KAZN: variants seen among roughly 807,000 people sequenced by gnomAD.
KAZN encodes the protein kazrin.
Under a neutral mutation model 87.4 loss-of-function variants are expected in KAZN, and 40 were observed. The ratio of observed to expected loss-of-function variants is 0.46; its 90% CI spans 0.36 to 0.60. KAZN has a LOEUF of 0.60. KAZN is among the 20% of genes least tolerant of loss of function. KAZN has a pLI of 0.00. For missense variants in KAZN, 898 were observed against 1,073.9 expected, an observed-to-expected ratio of 0.84 and a Z score of 2.29; for synonymous variants, 466 against 458.3, an observed-to-expected ratio of 1.02 and a Z score of -0.22.
chr1:14,235,576 T>C (rs1275023067), intron 2 of KAZN, among the ~76,000 whole-genome samples: 1 of 152,174 alleles, frequency 6.6e-6, no homozygotes, highest in Non-Finnish European at 1.5e-5. Context: ...AAACGTCTGA[T>C]TTGTCACTTT....
rs1018431326 is a variant in KAZN at position 14,458,060 on chromosome 1, G to A, written c.250-140923G>A. Among the ~76,000 whole-genome samples the A allele has an allele frequency of 9.2e-5, 14 of 152,052 alleles. 1 individual carries two copies. The highest frequency in any genetic ancestry group is 7.9e-4 in the Admixed American group (12 of 15,270). ...GATGGTCTCAATCTCCTAACCTCAT[G>A]ATCCCCCTGCCTTGGCCTCCCAAAG... is the stretch of plus-strand genomic sequence containing the variant. On this transcript the variant is annotated intron_variant, in intron 2 of 16. Coordinates refer to the KAZN transcript ENST00000636203.
chr1:14,988,984 A>G (rs1196318255), intron 2 of KAZN, among the ~76,000 whole-genome samples: 1 of 152,134 alleles, frequency 6.6e-6, no homozygotes, highest in African/African-American at 2.4e-5. Flanking sequence ...TCGTTGTGCC[A>G]CACTTTGCAC....
intron 2 of KAZN, among the ~76,000 whole-genome samples, chr1:14,964,327 T>C (rs1010283598): frequency 1.3e-5 from 2 of 151,472 alleles, no homozygotes; most frequent in African/African-American, 4.9e-5. Flanking sequence ...AGGTGTAAAG[T>C]GCATGGCCTG....
chr1:14,920,917 G>A (rs1407432700), intron 1 of KAZN, among the ~76,000 whole-genome samples: 2 of 152,104 alleles, frequency 1.3e-5, no homozygotes, highest in Non-Finnish European at 2.9e-5. Context: ...TGGGCTCAGG[G>A]CATCCTCATA....
rs775934739 is a variant in KAZN, at chr1:14,773,834, C to T, written c.226+174611C>T. Among the ~76,000 whole-genome samples the T allele has an allele frequency of 2.6e-4, 40 of 152,182 alleles. No individual in the cohort carries two copies. The highest frequency in any genetic ancestry group is 5.0e-4 in the Non-Finnish European group (34 of 68,024). On this transcript the variant is annotated intron_variant, in intron 1 of 14. Transcript: ENST00000376030. The surrounding 1 kb of genome is among the most constrained non-coding windows in gnomAD (Gnocchi z 5.9). ...CCCAGGCCAGGCCTGCTCTCCTCCC[C>T]TCCCCTCCAAAGAAAACACCATCTT...
At chr1:14,356,138 G>C (rs1659005037) in intron 2 of KAZN, among the ~76,000 whole-genome samples, 1 of 152,138 alleles carries the variant, frequency 6.6e-6, no homozygotes, top group South Asian at 2.1e-4. Context: ...GGTGTGAGAT[G>C]GTATCTCACT....
intron 2 of KAZN, among the ~76,000 whole-genome samples, chr1:14,385,771 G>A (rs1661823120): frequency 6.7e-6 from 1 of 150,036 alleles, no homozygotes; most frequent in Non-Finnish European, 1.5e-5. Flanking sequence ...GTGTGGTGCT[G>A]AAAAAAATGT....
chr1:14,574,389 C>T (rs537674870), intron 2 of KAZN, among the ~76,000 whole-genome samples: 1 of 152,318 alleles, frequency 6.6e-6, no homozygotes, highest in African/African-American at 2.4e-5. Context: ...ATAATTCCCA[C>T]GTGTTGTGGG....
At chr1:14,710,730 C>T (rs1294878516) in intron 1 of KAZN, among the ~76,000 whole-genome samples, 1 of 152,188 alleles carries the variant, frequency 6.6e-6, no homozygotes, top group Non-Finnish European at 1.5e-5. Flanking sequence ...ATTTGTCCCA[C>T]AGCAGTGATC....
intron 1 of KAZN, among the ~76,000 whole-genome samples, chr1:14,886,628 C>T (rs1206937477): frequency 1.3e-5 from 2 of 151,966 alleles, no homozygotes; most frequent in African/African-American, 4.8e-5. Flanking sequence ...CCTGTCTCTA[C>T]TAAAAATACA....
chr1:14,584,988 T>C (rs553726568), intron 2 of KAZN, among the ~76,000 whole-genome samples: 2 of 152,086 alleles, frequency 1.3e-5, no homozygotes, highest in Non-Finnish European at 2.9e-5. Flanking sequence ...AATTAGGTCA[T>C]GTGGGTGGGT....
chr1:13,935,261 A>ATAATAATAATAATAC (rs1442565511), intron 1 of KAZN, among the ~76,000 whole-genome samples: 1 of 150,676 alleles, frequency 6.6e-6, no homozygotes, highest in African/African-American at 2.5e-5. Flanking sequence ...AGTAATAATA[A>ATAATAATAATAATAC]TAATAATAAG....
chr1:14,864,129 C>A (rs1651181972), intron 1 of KAZN, among the ~76,000 whole-genome samples: 1 of 152,222 alleles, frequency 6.6e-6, no homozygotes, highest in Non-Finnish European at 1.5e-5. Context: ...ATTCTACCCC[C>A]ACCAGCAAGG....
chr1:14,173,054 A>G (rs1258676462), intron 1 of KAZN, among the ~76,000 whole-genome samples: 1 of 152,186 alleles, frequency 6.6e-6, no homozygotes, highest in African/African-American at 2.4e-5. Flanking sequence ...CACTTCTGCC[A>G]CTTACTGTGG....
chr1:14,038,822 T>G (rs981535374), intron 1 of KAZN, among the ~76,000 whole-genome samples: 12 of 152,110 alleles, frequency 7.9e-5, no homozygotes, highest in African/African-American at 2.4e-4. Context: ...TTTTTCCAAT[T>G]CCCTTTACAA....
intron 5 of KAZN, among the ~76,000 whole-genome samples, chr1:15,057,755 T>C (rs1638421824): frequency 6.6e-6 from 1 of 152,204 alleles, no homozygotes; most frequent in Admixed American, 6.5e-5. Context: ...AGCCCAGCCA[T>C]GCAGCCAGCT....
At chr1:13,967,384 T>C (rs1249453878) in intron 1 of KAZN, among the ~76,000 whole-genome samples, 3 of 152,190 alleles carry the variant, frequency 2.0e-5, no homozygotes, top group Non-Finnish European at 2.9e-5. Context: ...AGGGAGCCTT[T>C]GGAATCTCCC....
chr1:14,928,390 A>C (rs1413841817), intron 1 of KAZN, among the ~76,000 whole-genome samples: 2 of 151,870 alleles, frequency 1.3e-5, no homozygotes, highest in African/African-American at 2.4e-5. Flanking sequence ...CGGAGCTTGC[A>C]GTGAACCGAG....
intron 2 of KAZN, among the ~76,000 whole-genome samples, chr1:14,387,164 CAGCTCCTTT>C (rs1453596591): frequency 1.3e-5 from 2 of 152,184 alleles, no homozygotes; most frequent in Non-Finnish European, 2.9e-5. Flanking sequence ...TCAGCTCCAT[CAGCTCCTTT>C]AAGCACTTCT....
Sources: gnomAD v4.1 joint callset for allele counts (sites outside exome capture counted in the v4.1 genomes callset) on GRCh38, gnomAD v4.1.1 for gene constraint, Gnocchi (gnomAD v3.1) non-coding constraint, MANE v1.5 for transcripts, NCBI Gene and HGNC (gene_info 2026-07-23, HGNC 2026-07-21) for gene names.